Variants in CFAP61 observed in about 807,000 individuals in gnomAD.
The protein encoded by CFAP61 is cilia and flagella associated protein 61, also known as cilia- and flagella-associated protein 61.
In CFAP61, 107 loss-of-function variants were observed where a neutral mutation model predicts 135.6. That is an observed-to-expected ratio of 0.79 (90% CI 0.67 to 0.93). The LOEUF is 0.93. Among genes scored for constraint, CFAP61 ranks in the 40% least tolerant of loss-of-function variants. CFAP61 has a pLI of 0.00. For missense variants in CFAP61, 1,507 were observed against 1,556.2 expected, an observed-to-expected ratio of 0.97 and a Z score of 0.53; for synonymous variants, 575 against 578.5, an observed-to-expected ratio of 0.99 and a Z score of 0.09.
chr20:20,093,235 G>A (rs2047331536), intron 7 of CFAP61, among the ~76,000 whole-genome samples: 1 of 152,126 alleles, frequency 6.6e-6, no homozygotes, highest in South Asian at 2.1e-4. Flanking sequence ...TTGTATGATG[G>A]CATTTAGATG....
intron 8 of CFAP61, among the ~76,000 whole-genome samples, chr20:20,117,740 A>G (rs1165922990): frequency 6.6e-6 from 1 of 151,996 alleles, no homozygotes; most frequent in East Asian, 1.9e-4. Flanking sequence ...CCATTTTTGT[A>G]TGTATGTGTC....
At chr20:20,104,737 G>T in intron 8 of CFAP61, among the ~76,000 whole-genome samples, 1 of 152,138 alleles carries the variant, frequency 6.6e-6, no homozygotes, top group Non-Finnish European at 1.5e-5. Flanking sequence ...AACAGAAATT[G>T]ATTTTCTCAC....
Position 20,334,710 on chromosome 20 carries a change from G to A in CFAP61, c.3423-7121G>A, listed in dbSNP as rs1354971697. ...TCATAGCATGTGACAATTACAACTG[G>A]TCATCAAAGAACTAGTTGGTTTTGC... On this transcript the variant is annotated intron_variant, in intron 25 of 26. Coordinates refer to ENST00000245957, the MANE Select transcript of CFAP61 (RefSeq NM_015585.4). Among the ~76,000 whole-genome samples the A allele has an allele frequency of 3.3e-5, 5 of 152,098 alleles. No individual in the cohort carries two copies. In the East Asian group the frequency reaches 9.6e-4, roughly 29 times the overall value.
chr20:20,136,097 T>A (rs938511339), intron 8 of CFAP61, among the ~76,000 whole-genome samples: 3 of 152,222 alleles, frequency 2.0e-5, no homozygotes, highest in African/African-American at 7.2e-5. Context: ...AAAAGTCTGC[T>A]GCCAGACGTA....
intron 13 of CFAP61, among the ~76,000 whole-genome samples, 188 bp downstream of exon 13, chr20:20,169,648 T>C (rs917917846): frequency 6.6e-6 from 1 of 152,242 alleles, no homozygotes; most frequent in Non-Finnish European, 1.5e-5. Context: ...AGATTTGTCC[T>C]GTCAGATATT....
chr20:20,257,486 GGT>G (rs2051711655), intron 20 of CFAP61, among the ~76,000 whole-genome samples: 1 of 151,770 alleles, frequency 6.6e-6, no homozygotes, highest in Admixed American at 6.6e-5. Context: ...GTGGTGGCAG[GGT>G]CTTGTAATCC....
At chr20:20,261,923 C>T (rs1209753844) in intron 20 of CFAP61, among the ~76,000 whole-genome samples, 1 of 152,124 alleles carries the variant, frequency 6.6e-6, no homozygotes, top group Non-Finnish European at 1.5e-5. Context: ...TCTGTTCCCA[C>T]ACACATCTGC....
chr20:20,131,121 C>G (rs1399155760), intron 8 of CFAP61, among the ~76,000 whole-genome samples: 1 of 151,750 alleles, frequency 6.6e-6, no homozygotes, highest in Non-Finnish European at 1.5e-5. Context: ...TTACCATCTA[C>G]TCAGTTTTTA....
At chr20:20,295,307 G>C (rs2055336030) in intron 24 of CFAP61, among the ~76,000 whole-genome samples, 2 of 152,114 alleles carry the variant, frequency 1.3e-5, no homozygotes, top group African/African-American at 4.8e-5. Context: ...TGGATCTCAA[G>C]GTGTGCCCCC....
At chr20:20,220,691 G>T (rs2048341149) in intron 17 of CFAP61, among the ~76,000 whole-genome samples, 1 of 152,092 alleles carries the variant, frequency 6.6e-6, no homozygotes, top group Non-Finnish European at 1.5e-5. Context: ...AAGAAGTAAG[G>T]GTTTGTTTGG....
chr20:20,165,896 A>G (rs865983277), intron 11 of CFAP61, among the ~76,000 whole-genome samples: 4 of 152,294 alleles, frequency 2.6e-5, no homozygotes, highest in African/African-American at 9.6e-5. Context: ...AAGCCTTTCT[A>G]TATTTGTTGC....
At chr20:20,333,003 CA>C (rs2058057342) in intron 25 of CFAP61, among the ~76,000 whole-genome samples, 2 of 152,150 alleles carry the variant, frequency 1.3e-5, no homozygotes, top group Non-Finnish European at 2.9e-5. Context: ...TATAAAATGG[CA>C]GGCAAATTAA....
chr20:20,328,110 A>G (rs773317630), intron 25 of CFAP61, among the ~76,000 whole-genome samples: 14 of 152,340 alleles, frequency 9.2e-5, no homozygotes, highest in South Asian at 6.2e-4. Flanking sequence ...TGAGGAATAA[A>G]AAGAAGGCCA....
At chr20:20,062,620 A>G (rs1424024886) in intron 2 of CFAP61, among the ~76,000 whole-genome samples, 3 of 152,200 alleles carry the variant, frequency 2.0e-5, no homozygotes, top group Non-Finnish European at 4.4e-5. Flanking sequence ...AAGATTAATC[A>G]GGAAAAAAAG....
At chr20:20,360,084 A>C (rs577489312) in intron 26 of CFAP61, 126 bp from the exon 27 acceptor site, 1 of 730,220 alleles carries the variant, frequency 1.4e-6, no homozygotes, top group Admixed American at 2.3e-5. Flanking sequence ...AAATTTTCAA[A>C]AGCTAGAAAA....
At chr20:20,068,054 T>C (rs925973787) in intron 2 of CFAP61, among the ~76,000 whole-genome samples, 9 of 152,234 alleles carry the variant, frequency 5.9e-5, no homozygotes, top group South Asian at 2.1e-4. Context: ...GTCTATGTGG[T>C]ATATAGTATT....
intron 17 of CFAP61, among the ~76,000 whole-genome samples, chr20:20,202,508 T>G (rs1052402886): frequency 3.9e-5 from 6 of 152,260 alleles, no homozygotes; most frequent in Non-Finnish European, 5.9e-5. Context: ...ATTAAAAAGT[T>G]AAAATGCTAA....
At chr20:20,181,877 G>T (rs1010395844) in intron 13 of CFAP61, among the ~76,000 whole-genome samples, 1 of 152,196 alleles carries the variant, frequency 6.6e-6, no homozygotes, top group Non-Finnish European at 1.5e-5. Context: ...AGGTGGGAAT[G>T]TTCTCCTTCC....
intron 13 of CFAP61, among the ~76,000 whole-genome samples, chr20:20,187,049 C>G (rs1050258486): frequency 6.6e-6 from 1 of 152,166 alleles, no homozygotes; most frequent in Non-Finnish European, 1.5e-5. Flanking sequence ...CACTGAACAC[C>G]TGGGTGGGGG....
Sources: gnomAD v4.1 joint callset for allele counts (sites outside exome capture counted in the v4.1 genomes callset) on GRCh38, gnomAD v4.1.1 for gene constraint, MANE v1.5 for transcripts, NCBI Gene and HGNC (gene_info 2026-07-23, HGNC 2026-07-21) for gene names.